Variants in DYNC1I1 observed in about 807,000 individuals in gnomAD.
DYNC1I1 encodes cytoplasmic dynein 1 intermediate chain 1.
Under a neutral mutation model 86.6 loss-of-function variants are expected in DYNC1I1, and 43 were observed. The observed-to-expected ratio is 0.50, with a 90% confidence interval of 0.39 to 0.64. The LOEUF is 0.64. DYNC1I1 is among the 30% of genes least tolerant of loss of function. The pLI is 0.00. For synonymous variants in DYNC1I1, 262 were observed against 283.7 expected (o/e 0.92, Z 0.77); for missense variants, 604 against 788.8 (o/e 0.77, Z 2.81).
intron 10 of DYNC1I1, among the ~76,000 whole-genome samples, chr7:96,009,705 C>G (rs1046182746): frequency 3.9e-5 from 6 of 152,132 alleles, no homozygotes; most frequent in South Asian, 2.1e-4. Context: ...TACTTAAACT[C>G]AAACCTGACC....
chr7:95,774,189 G>C (rs2115600534), intron 1 of DYNC1I1, among the ~76,000 whole-genome samples: 1 of 152,270 alleles, frequency 6.6e-6, no homozygotes, highest in East Asian at 1.9e-4. Flanking sequence ...ACCATCCTTG[G>C]GAAGTTTTTA....
intron 14 of DYNC1I1, among the ~76,000 whole-genome samples, chr7:96,043,774 C>T (rs1244286810): frequency 6.6e-6 from 1 of 151,804 alleles, no homozygotes; most frequent in South Asian, 2.1e-4. Flanking sequence ...GCAGTGGCAC[C>T]ATCTCGGCTC....
At chr7:95,779,482 T>G (rs1383757619) in intron 1 of DYNC1I1, among the ~76,000 whole-genome samples, 3 of 152,224 alleles carry the variant, frequency 2.0e-5, no homozygotes, top group Non-Finnish European at 1.5e-5. Flanking sequence ...ATAATTCTTT[T>G]TACGATCAAA....
intron 1 of DYNC1I1, among the ~76,000 whole-genome samples, chr7:95,786,374 T>A (rs1794147417): frequency 6.6e-6 from 1 of 152,202 alleles, no homozygotes; most frequent in South Asian, 2.1e-4. Flanking sequence ...AAGCCCCCTC[T>A]GTGCTCCAGC....
At chr7:95,898,062 T>C (rs1790932712) in intron 6 of DYNC1I1, among the ~76,000 whole-genome samples, 3 of 152,236 alleles carry the variant, frequency 2.0e-5, no homozygotes, top group Non-Finnish European at 4.4e-5. Context: ...TGCACTTTGA[T>C]TGGACATTGC....
intron 6 of DYNC1I1, among the ~76,000 whole-genome samples, chr7:95,882,844 T>C (rs1790490740): frequency 6.6e-6 from 1 of 152,198 alleles, no homozygotes; most frequent in Non-Finnish European, 1.5e-5. Flanking sequence ...GCTTGGCATA[T>C]TTGGGTAAGA....
chr7:96,045,792 A>G (rs1789193325), intron 14 of DYNC1I1, among the ~76,000 whole-genome samples: 1 of 152,148 alleles, frequency 6.6e-6, no homozygotes, highest in African/African-American at 2.4e-5. Context: ...GGGGAACTGT[A>G]GGAACATCGG....
At chr7:95,877,921 T>C (rs1790350763) in intron 6 of DYNC1I1, among the ~76,000 whole-genome samples, 1 of 152,180 alleles carries the variant, frequency 6.6e-6, no homozygotes, top group South Asian at 2.1e-4. Flanking sequence ...CTAAATGGAC[T>C]ACAAAAACCT....
At chr7:96,099,463 A>G (rs1791094087), downstream of DYNC1I1, among the ~76,000 whole-genome samples, 3 of 152,188 alleles carry the variant, frequency 2.0e-5, no homozygotes, top group East Asian at 3.9e-4. Context: ...TCAGACTGCT[A>G]TAACAGAATA....
At chr7:95,813,186 T>A in intron 3 of DYNC1I1, 61 bp from the exon 4 acceptor site, 1 of 1,611,796 alleles carries the variant, frequency 6.2e-7, no homozygotes, top group South Asian at 1.1e-5. Context: ...CTGACACTGC[T>A]CTTCACCAGT....
chr7:95,796,779 T>C (rs1369952861), intron 1 of DYNC1I1, among the ~76,000 whole-genome samples: 1 of 151,998 alleles, frequency 6.6e-6, no homozygotes, highest in Non-Finnish European at 1.5e-5. Context: ...TAAGTCACAG[T>C]TGACTTAACC....
chr7:95,959,654 A>G (rs945222591), intron 6 of DYNC1I1, among the ~76,000 whole-genome samples: 11 of 152,218 alleles, frequency 7.2e-5, no homozygotes, highest in African/African-American at 2.7e-4. Context: ...GTAAAATTAA[A>G]TTAGACCTGG....
At chr7:95,934,039 T>C (rs1791973691) in intron 6 of DYNC1I1, among the ~76,000 whole-genome samples, 1 of 152,130 alleles carries the variant, frequency 6.6e-6, no homozygotes, top group African/African-American at 2.4e-5. Flanking sequence ...ATTGTATTTA[T>C]GTAAGTGCTA....
intron 6 of DYNC1I1, among the ~76,000 whole-genome samples, chr7:95,971,990 T>C (rs1793184986): frequency 6.6e-6 from 1 of 152,110 alleles, no homozygotes; most frequent in Admixed American, 6.5e-5. Context: ...CATCAAGGGC[T>C]CTGGCAGGAG....
rs967742155 is a variant in DYNC1I1 at position 95,940,008 on chromosome 7, C to G, written c.491-37504C>G. Among the ~76,000 whole-genome samples, 9 of 152,018 alleles carry G rather than the reference C, an allele frequency of 5.9e-5. No individual in the cohort carries two copies. The South Asian group carries it at 1.2e-3, about 21-fold the overall frequency. On this transcript the variant is annotated intron_variant, in intron 6 of 16. Coordinates refer to ENST00000447467, the MANE Select transcript of DYNC1I1 (RefSeq NM_001135556.2). ...GGCAGGCCTGGTGGTGACAAAATCT[C>G]TCAGCATTTGCTTGTCTGTAAAGTA...
At chr7:96,068,866 G>C (rs532119438) in intron 14 of DYNC1I1, among the ~76,000 whole-genome samples, 11 of 152,138 alleles carry the variant, frequency 7.2e-5, no homozygotes, top group African/African-American at 2.7e-4. Flanking sequence ...AGAGTAAAAG[G>C]TTGGCAGTTT....
chr7:95,847,251 T>C (rs1185778965), intron 5 of DYNC1I1, among the ~76,000 whole-genome samples: 2 of 152,204 alleles, frequency 1.3e-5, no homozygotes, highest in East Asian at 3.9e-4. Flanking sequence ...CCAGTGCTGT[T>C]GCCACTTAGT....
At chr7:95,853,642 G>T (rs3907380) in intron 5 of DYNC1I1, among the ~76,000 whole-genome samples, 1 of 152,150 alleles carries the variant, frequency 6.6e-6, no homozygotes, top group African/African-American at 2.4e-5. Flanking sequence ...ACAACTGATG[G>T]ATGGAATGTT....
At chr7:95,883,550 T>C (rs565811000) in intron 6 of DYNC1I1, among the ~76,000 whole-genome samples, 7 of 152,336 alleles carry the variant, frequency 4.6e-5, no homozygotes, top group African/African-American at 1.7e-4. Flanking sequence ...ATTTTAAAAT[T>C]CTAAAAAACC....
Sources: allele counts gnomAD v4.1 joint callset (sites outside exome capture counted in the v4.1 genomes callset), GRCh38; gene constraint gnomAD v4.1.1; transcripts MANE v1.5; gene names NCBI Gene and HGNC (gene_info 2026-07-23, HGNC 2026-07-21).